GPHN: variants seen among roughly 807,000 people sequenced by gnomAD.
The protein encoded by GPHN is gephyrin.
GPHN carries 17 observed loss-of-function variants against 95.5 expected under a neutral mutation model. That is an observed-to-expected ratio of 0.18 (90% confidence interval 0.12 to 0.27). GPHN has a LOEUF of 0.27. Ranked by LOEUF, GPHN falls within the 10% of genes least tolerant of loss-of-function variation. GPHN has a pLI of 1.00. For missense variants in GPHN, 660 were observed against 978.1 expected, an observed-to-expected ratio of 0.67 and a Z score of 4.34; for synonymous variants, 320 against 322.5, an observed-to-expected ratio of 0.99 and a Z score of 0.08.
At chr14:67,508,984 A>C in the GPHN span, among the ~76,000 whole-genome samples, 1 of 152,102 alleles carries the variant, frequency 6.6e-6, no homozygotes, top group South Asian at 2.1e-4. Flanking sequence ...AAAGGCCCAG[A>C]AACTAGGTTG....
chr14:66,662,843 T>C (rs2065742262), intron 1 of GPHN, among the ~76,000 whole-genome samples: 2 of 152,142 alleles, frequency 1.3e-5, no homozygotes, highest in Admixed American at 6.5e-5. Flanking sequence ...CAAGTATTAA[T>C]AGCAGAATAG....
intron 1 of GPHN, among the ~76,000 whole-genome samples, chr14:66,629,803 T>G (rs1398596422): frequency 6.6e-6 from 1 of 152,144 alleles, no homozygotes; most frequent in Non-Finnish European, 1.5e-5. Context: ...TATATGCAGT[T>G]TATTATTGAC....
At chr14:66,900,525 T>C (rs898462908) in intron 5 of GPHN, among the ~76,000 whole-genome samples, 3 of 151,654 alleles carry the variant, frequency 2.0e-5, no homozygotes, top group African/African-American at 7.3e-5. Flanking sequence ...TCAATCAACT[T>C]CTCATCTTTC....
chr14:67,030,736 C>T (rs1482081033), intron 10 of GPHN, among the ~76,000 whole-genome samples: 1 of 152,066 alleles, frequency 6.6e-6, no homozygotes, highest in South Asian at 2.1e-4. Flanking sequence ...CTGTCTTCTC[C>T]ACTGTCCTCT....
chr14:66,957,187 C>CTTTTTTTTT (rs1157690518), intron 8 of GPHN, among the ~76,000 whole-genome samples: 63 of 84,834 alleles, frequency 7.4e-4, no homozygotes, highest in East Asian at 8.3e-4. Context: ...TTCTTTCTTT[C>CTTTTTTTTT]TTTTTTTTTT....
chr14:67,615,814 A>C, the GPHN span: 1 of 580,408 alleles, frequency 1.7e-6, no homozygotes, highest in Non-Finnish European at 3.2e-6. Flanking sequence ...CGTGTGGCCC[A>C]AAAGTCAAAA....
At chr14:66,778,378 G>A (rs2059466431) in intron 3 of GPHN, among the ~76,000 whole-genome samples, 1 of 152,038 alleles carries the variant, frequency 6.6e-6, no homozygotes, top group Non-Finnish European at 1.5e-5. Context: ...TATGCCAATT[G>A]CAATTAAAAA....
the GPHN span, among the ~76,000 whole-genome samples, chr14:67,634,568 T>C: frequency 6.8e-6 from 1 of 146,298 alleles, no homozygotes; most frequent in African/African-American, 2.5e-5. Flanking sequence ...CACTCCATCT[T>C]GGGCAACAGA....
the GPHN span, among the ~76,000 whole-genome samples, chr14:67,501,741 A>T: frequency 2.9e-4 from 44 of 152,218 alleles, no homozygotes; most frequent in Non-Finnish European, 5.3e-4. Flanking sequence ...CCCCTATCTA[A>T]GAGCCTTGGA....
chr14:67,144,255 A>ATATATATATG (rs2080731249), intron 18 of GPHN, among the ~76,000 whole-genome samples: 2 of 72,204 alleles, frequency 2.8e-5, no homozygotes, highest in African/African-American at 1.4e-4. Flanking sequence ...AAAAAAATAT[A>ATATATATATG]TATATATATA....
intron 1 of GPHN, among the ~76,000 whole-genome samples, chr14:66,524,803 G>A (rs2058622230): frequency 1.3e-5 from 2 of 151,924 alleles, no homozygotes; most frequent in African/African-American, 2.4e-5. Flanking sequence ...CAGCTTCATC[G>A]ATGTCCCTGC....
chr14:66,635,634 G>T (rs1314902266), intron 1 of GPHN, among the ~76,000 whole-genome samples: 2 of 152,130 alleles, frequency 1.3e-5, no homozygotes, highest in African/African-American at 4.8e-5. Context: ...TTAAGTGGGT[G>T]TAATTCTGAT....
chr14:66,930,809 G>GCTAC (rs1442127617), intron 8 of GPHN, among the ~76,000 whole-genome samples: 1 of 152,128 alleles, frequency 6.6e-6, no homozygotes, highest in Non-Finnish European at 1.5e-5. Context: ...ACAGGCATGA[G>GCTAC]CTACCATGCC....
the GPHN span, among the ~76,000 whole-genome samples, chr14:67,437,844 G>A: frequency 6.6e-6 from 1 of 152,146 alleles, no homozygotes; most frequent in Non-Finnish European, 1.5e-5. Context: ...GACAAAGAAG[G>A]GGGGTTGGGA....
intron 12 of GPHN, among the ~76,000 whole-genome samples, chr14:67,097,291 A>C (rs1435867181): frequency 6.6e-6 from 1 of 152,190 alleles, no homozygotes; most frequent in East Asian, 1.9e-4. Flanking sequence ...TTTAATCAGA[A>C]GGCAAGAATA....
the GPHN span, among the ~76,000 whole-genome samples, chr14:67,218,063 C>T: frequency 6.6e-6 from 1 of 152,082 alleles, no homozygotes; most frequent in East Asian, 1.9e-4. Context: ...TTCTCAGTGG[C>T]CTAGGCTTAG....
chr14:66,683,158 T>A (rs975140652), intron 2 of GPHN, among the ~76,000 whole-genome samples: 1 of 151,328 alleles, frequency 6.6e-6, no homozygotes, highest in African/African-American at 2.4e-5. Context: ...TGTAAGAATG[T>A]CAGCATTCAT....
intron 11 of GPHN, among the ~76,000 whole-genome samples, chr14:67,064,616 T>C (rs1387586029): frequency 6.6e-6 from 1 of 152,172 alleles, no homozygotes; most frequent in Non-Finnish European, 1.5e-5. Flanking sequence ...TCAGAGCCCA[T>C]TATTGGTCTA....
chr14:67,583,201 A>C, the GPHN span, among the ~76,000 whole-genome samples: 1,208 of 152,352 alleles, frequency 7.9e-3, 21 homozygotes, highest in African/African-American at 0.027. Context: ...TATAAATATC[A>C]ATAGGAATAC....
Sources: gnomAD v4.1 joint callset for allele counts (sites outside exome capture counted in the v4.1 genomes callset) on GRCh38, gnomAD v4.1.1 for gene constraint, MANE v1.5 for transcripts, NCBI Gene and HGNC (gene_info 2026-07-23, HGNC 2026-07-21) for gene names.